JARID2: variants seen among roughly 807,000 people sequenced by gnomAD.
JARID2 encodes jumonji and AT-rich interaction domain containing 2.
In JARID2, 21 loss-of-function variants were observed where a neutral mutation model predicts 125.6. That is an observed-to-expected ratio of 0.17 (90% CI 0.12 to 0.24). The LOEUF is 0.24. Ranked by LOEUF, JARID2 falls within the 10% of genes least tolerant of loss-of-function variation. The pLI, the probability that JARID2 is intolerant of heterozygous loss-of-function variation, is 1.00. For synonymous variants in JARID2, 736 were observed against 661.6 expected, an observed-to-expected ratio of 1.11 and a Z score of -1.73; for missense variants, 1,303 against 1,639.6, an observed-to-expected ratio of 0.79 and a Z score of 3.55.
chr6:15,418,901 T>C (rs575326531), intron 3 of JARID2, among the ~76,000 whole-genome samples: 15 of 152,332 alleles, frequency 9.8e-5, no homozygotes, highest in Non-Finnish European at 2.1e-4. Context: ...CTTATTCTTT[T>C]TGGTCTGAGT....
chr6:15,354,114 C>T (rs756194486), intron 1 of JARID2, among the ~76,000 whole-genome samples: 42 of 152,100 alleles, frequency 2.8e-4, no homozygotes, highest in African/African-American at 1.4e-4. Flanking sequence ...GATCATCAGA[C>T]GAGAAGAGTA....
At chr6:15,455,040 A>G (rs531745002) in intron 4 of JARID2, among the ~76,000 whole-genome samples, 126 of 152,222 alleles carry the variant, frequency 8.3e-4, no homozygotes, top group African/African-American at 2.9e-3. Flanking sequence ...AATGTGATTC[A>G]GGTATATCTA....
intron 5 of JARID2, among the ~76,000 whole-genome samples, chr6:15,471,632 TC>T (rs1769081914): frequency 6.6e-6 from 1 of 152,238 alleles, no homozygotes. Context: ...TCCTTTGTTT[TC>T]CAGAGTGTTT....
intron 1 of JARID2, among the ~76,000 whole-genome samples, chr6:15,368,001 G>A (rs1764037469): frequency 6.6e-6 from 1 of 152,068 alleles, no homozygotes; most frequent in African/African-American, 2.4e-5. Context: ...GGCTGTCACT[G>A]CAGAACACCA....
At chr6:15,261,548 TTGACGTTG>T (rs1285940599) in intron 1 of JARID2, among the ~76,000 whole-genome samples, 2 of 152,030 alleles carry the variant, frequency 1.3e-5, no homozygotes, top group African/African-American at 2.4e-5. Flanking sequence ...TCTCCATCTC[TTGACGTTG>T]TGATCTGCCC....
intron 4 of JARID2, among the ~76,000 whole-genome samples, chr6:15,456,279 G>A (rs1250908803): frequency 6.6e-6 from 1 of 152,182 alleles, no homozygotes; most frequent in Non-Finnish European, 1.5e-5. Flanking sequence ...ACATTACCAA[G>A]TAAGTACCTG....
intron 2 of JARID2, among the ~76,000 whole-genome samples, chr6:15,384,193 G>C (rs904441157): frequency 6.6e-6 from 1 of 151,632 alleles, no homozygotes; most frequent in Admixed American, 6.6e-5. Flanking sequence ...CGACTCTCAG[G>C]CTCATACCTT....
chr6:15,248,436 T>TGGGGGC (rs1257527948), intron 1 of JARID2: 2 of 16,708 alleles, frequency 1.2e-4, no homozygotes, highest in South Asian at 3.5e-3. Context: ...GGGGAGGGGG[T>TGGGGGC]GGGAGCGGGG....
At chr6:15,377,005 G>A (rs918282627) in intron 2 of JARID2, among the ~76,000 whole-genome samples, 3 of 152,168 alleles carry the variant, frequency 2.0e-5, no homozygotes, top group African/African-American at 4.8e-5. Flanking sequence ...ATGCGTGTAT[G>A]TATATGCATG....
At chr6:15,447,430 C>T (rs1250854308) in intron 3 of JARID2, among the ~76,000 whole-genome samples, 2 of 152,180 alleles carry the variant, frequency 1.3e-5, no homozygotes, top group Non-Finnish European at 2.9e-5. Context: ...TTCCGTGGTG[C>T]GTGTGAAGGA....
intron 2 of JARID2, among the ~76,000 whole-genome samples, chr6:15,394,442 T>C (rs1312814421): frequency 1.3e-5 from 2 of 151,962 alleles, no homozygotes; most frequent in South Asian, 2.1e-4. Context: ...TCACAAAAAA[T>C]ATAAAAAATT....
At chr6:15,489,060 A>G (rs535166880) in intron 6 of JARID2, among the ~76,000 whole-genome samples, 5 of 152,284 alleles carry the variant, frequency 3.3e-5, no homozygotes, top group African/African-American at 1.2e-4. Context: ...GAACTCTCCA[A>G]TGTGTAAGGT....
At chr6:15,343,754 T>TC (rs1201593503) in intron 1 of JARID2, among the ~76,000 whole-genome samples, 2 of 152,180 alleles carry the variant, frequency 1.3e-5, no homozygotes, top group South Asian at 4.1e-4. Flanking sequence ...TGTACATTGA[T>TC]CTTGGCATAA....
intron 3 of JARID2, among the ~76,000 whole-genome samples, chr6:15,440,553 C>T (rs1328719142): frequency 6.6e-6 from 1 of 152,172 alleles, no homozygotes; most frequent in African/African-American, 2.4e-5. Context: ...AAGGGATATT[C>T]TGGGTATTGT....
intron 1 of JARID2, among the ~76,000 whole-genome samples, chr6:15,349,605 C>G (rs1310101500): frequency 6.6e-6 from 1 of 152,064 alleles, no homozygotes; most frequent in Non-Finnish European, 1.5e-5. Context: ...ACTCATCACG[C>G]GTGAGGAGCT....
rs2127641326 is a variant in JARID2, at chr6:15,452,253, C to G, written c.493+78C>G. 2.6e-6 allele frequency: 4 copies of G among 1,540,818 alleles called. No homozygotes were observed. In the South Asian group the frequency reaches 3.8e-5, roughly 15 times the overall value. On this transcript the variant is annotated intron_variant, in intron 4 of 17. Coordinates refer to ENST00000341776, the MANE Select transcript of JARID2 (RefSeq NM_004973.4). ...TGAGGTCTACGTGGAGTAACCTTAG[C>G]TTTACTCTCTGCCATGTTCATTTTT...
At chr6:15,287,849 G>A (rs979325706) in intron 1 of JARID2, among the ~76,000 whole-genome samples, 1 of 152,168 alleles carries the variant, frequency 6.6e-6, no homozygotes, top group Non-Finnish European at 1.5e-5. Flanking sequence ...TTTATGAAAA[G>A]CATTGTATAA....
intron 1 of JARID2, among the ~76,000 whole-genome samples, chr6:15,281,595 C>G (rs948732319): frequency 2.6e-5 from 4 of 152,214 alleles, no homozygotes; most frequent in Admixed American, 1.3e-4. Flanking sequence ...CCCCACTTCA[C>G]TTGGGGCCTA....
intron 1 of JARID2, among the ~76,000 whole-genome samples, chr6:15,300,718 TGTGTGAGA>T (rs1422525002): frequency 2.8e-5 from 4 of 140,522 alleles, no homozygotes; most frequent in African/African-American, 8.2e-5. Flanking sequence ...TGTGTGTGTG[TGTGTGAGA>T]GAGAGAGAGA....
Sources: allele counts gnomAD v4.1 joint callset (sites outside exome capture counted in the v4.1 genomes callset), GRCh38; gene constraint gnomAD v4.1.1; transcripts MANE v1.5; gene names NCBI Gene and HGNC (gene_info 2026-07-23, HGNC 2026-07-21).